The following RBFOX3 variants were observed in gnomAD, a reference collection of about 807,000 sequenced individuals.
The protein encoded by RBFOX3 is RNA binding fox-1 homolog 3.
RBFOX3 carries 17 observed loss-of-function variants against 48.7 expected under a neutral mutation model. The observed-to-expected ratio is 0.35, with a 90% CI of 0.24 to 0.52. The LOEUF (loss-of-function observed/expected upper bound fraction) is 0.52. RBFOX3 is among the 20% of genes least tolerant of loss of function. RBFOX3 has a pLI of 0.94. For missense variants in RBFOX3, 382 were observed against 497.5 expected, an observed-to-expected ratio of 0.77 and a Z score of 2.21; for synonymous variants, 212 against 209.5, an observed-to-expected ratio of 1.01 and a Z score of -0.10.
At chr17:79,395,789 G>A (rs1015863159) in intron 2 of RBFOX3, among the ~76,000 whole-genome samples, 10 of 152,234 alleles carry the variant, frequency 6.6e-5, no homozygotes, top group African/African-American at 9.6e-5. Flanking sequence ...AGCCCATCAC[G>A]TCAGCCCTGG....
intron 2 of RBFOX3, among the ~76,000 whole-genome samples, chr17:79,463,670 T>G (rs2075875262): frequency 1.2e-5 from 1 of 82,486 alleles, no homozygotes; most frequent in Non-Finnish European, 2.6e-5. Context: ...CACCGCCACC[T>G]CCACTGCCAT....
At chr17:79,386,655 C>T (rs1343021120) in intron 2 of RBFOX3, among the ~76,000 whole-genome samples, 1 of 152,230 alleles carries the variant, frequency 6.6e-6, no homozygotes, top group Non-Finnish European at 1.5e-5. Flanking sequence ...ACCACGGGCA[C>T]CTTTCCCCAA....
At chr17:79,306,529 C>T (rs2076128493) in intron 3 of RBFOX3, among the ~76,000 whole-genome samples, 1 of 152,222 alleles carries the variant, frequency 6.6e-6, no homozygotes, top group African/African-American at 2.4e-5. Context: ...CCAACTCAGG[C>T]TAAACAATTC....
intron 4 of RBFOX3, among the ~76,000 whole-genome samples, chr17:79,163,293 C>T (rs753504546): frequency 5.3e-5 from 8 of 152,344 alleles, no homozygotes; most frequent in African/African-American, 1.4e-4. Flanking sequence ...TGGGGAAAGC[C>T]GCAGGCCCGG....
chr17:79,101,914 G>A (rs1179696195), intron 8 of RBFOX3, among the ~76,000 whole-genome samples: 1 of 152,192 alleles, frequency 6.6e-6, no homozygotes, highest in Admixed American at 6.5e-5. Context: ...AGGCTCCCAG[G>A]CACCCCAGGA....
intron 4 of RBFOX3, among the ~76,000 whole-genome samples, chr17:79,164,638 G>A (rs2047634572): frequency 6.6e-6 from 1 of 152,242 alleles, no homozygotes; most frequent in Non-Finnish European, 1.5e-5. Context: ...AAACAAAAGT[G>A]CACGCATTCC....
At chr17:79,187,477 C>T (rs1191981996) in intron 4 of RBFOX3, among the ~76,000 whole-genome samples, 1 of 152,176 alleles carries the variant, frequency 6.6e-6, no homozygotes, top group Admixed American at 6.5e-5. Flanking sequence ...ATCGTGCTTT[C>T]CGCAGAGCCA....
intron 5 of RBFOX3, 113 bp downstream of exon 5, chr17:79,115,381 C>T: frequency 1.6e-6 from 1 of 608,172 alleles, no homozygotes; most frequent in Non-Finnish European, 2.4e-6. Flanking sequence ...GAGGCCCTGC[C>T]CAGGCCCCTC....
chr17:79,106,315 G>A (rs2077355084), intron 6 of RBFOX3, among the ~76,000 whole-genome samples: 1 of 152,198 alleles, frequency 6.6e-6, no homozygotes, highest in African/African-American at 2.4e-5. Context: ...GAGGTCCCAA[G>A]GTACTCTAGG....
chr17:79,331,696 T>G (rs778527558), intron 2 of RBFOX3, among the ~76,000 whole-genome samples: 1 of 152,220 alleles, frequency 6.6e-6, no homozygotes, highest in African/African-American at 2.4e-5. Flanking sequence ...GGGCAAGTAA[T>G]TGACACCGCA....
At position 79,579,465 on chromosome 17, in the gene RBFOX3, C is replaced by T. The variant is rs1363342993; in HGVS notation, c.-320+31361G>A. Among the ~76,000 whole-genome samples the T allele has an allele frequency of 3.9e-5, 6 of 152,344 alleles. No homozygotes were observed. The South Asian group carries it at 6.2e-4, about 16-fold the overall frequency. The stretch of plus-strand genomic sequence containing the variant: ...AGGAAGATTCTGTCTTGCAGACCAT[C>T]TCCACAAAACGTGGCCCTGGGACCT... On this transcript the variant is annotated intron_variant, in intron 1 of 14. Transcript: ENST00000693108.
intron 4 of RBFOX3, among the ~76,000 whole-genome samples, chr17:79,162,323 C>T (rs1259604499): frequency 2.6e-5 from 4 of 152,186 alleles, no homozygotes; most frequent in African/African-American, 9.7e-5. Context: ...TTCACCCGGA[C>T]GGAGCATGGG....
At chr17:79,094,558 G>C in intron 13 of RBFOX3, 29 bp from the exon 14 acceptor site, 1 of 521,652 alleles carries the variant, frequency 1.9e-6, no homozygotes, top group Non-Finnish European at 2.9e-6. Flanking sequence ...GGGGGAGTGG[G>C]AGGAGGGTGG....
At chr17:79,179,559 TG>T (rs1294118623) in intron 4 of RBFOX3, among the ~76,000 whole-genome samples, 1 of 151,822 alleles carries the variant, frequency 6.6e-6, no homozygotes. Flanking sequence ...TTACAATACT[TG>T]AAGGCACTCA....
intron 2 of RBFOX3, among the ~76,000 whole-genome samples, chr17:79,408,299 A>G (rs531749015): frequency 1.3e-5 from 2 of 152,268 alleles, no homozygotes; most frequent in East Asian, 3.9e-4. Flanking sequence ...TCTTCACCCA[A>G]GCGAGACCAG....
At chr17:79,454,925 G>A (rs1002248115) in intron 2 of RBFOX3, among the ~76,000 whole-genome samples, 3 of 152,208 alleles carry the variant, frequency 2.0e-5, no homozygotes, top group African/African-American at 7.2e-5. Flanking sequence ...AGGAGATACT[G>A]CCTACCTGCA....
intron 4 of RBFOX3, among the ~76,000 whole-genome samples, chr17:79,126,006 C>T (rs909062171): frequency 6.6e-6 from 1 of 152,246 alleles, no homozygotes; most frequent in African/African-American, 2.4e-5. Context: ...ACCCCCTGCA[C>T]ATTTAATTCT....
intron 4 of RBFOX3, chr17:79,183,520 A>T (rs959006714): frequency 6.6e-6 from 1 of 151,694 alleles, no homozygotes; most frequent in African/African-American, 2.4e-5. Context: ...AGAGGGAGGC[A>T]TCGAAAGGAG....
chr17:79,404,066 C>T (rs1324225255), intron 2 of RBFOX3, among the ~76,000 whole-genome samples: 4 of 152,220 alleles, frequency 2.6e-5, no homozygotes, highest in African/African-American at 9.6e-5. Flanking sequence ...GCGTGAACCA[C>T]CACACCCGGC....
Sources: allele counts gnomAD v4.1 joint callset (sites outside exome capture counted in the v4.1 genomes callset), GRCh38; gene constraint gnomAD v4.1.1; transcripts MANE v1.5; gene names NCBI Gene and HGNC (gene_info 2026-07-23, HGNC 2026-07-21).